Variants in PRP4K observed in about 807,000 individuals in gnomAD.
PRP4K encodes the protein serine/threonine-protein kinase PRP4 homolog.
At chr6:4,041,683 C>G in the PRP4K span, among the ~76,000 whole-genome samples, 1 of 152,032 alleles carries the variant, frequency 6.6e-6, no homozygotes. Flanking sequence ...GAGGACATTT[C>G]TTGTGATTGT....
At chr6:4,054,633 A>T in the PRP4K span, among the ~76,000 whole-genome samples, 18 of 152,100 alleles carry the variant, frequency 1.2e-4, no homozygotes, top group Non-Finnish European at 2.5e-4. Flanking sequence ...CAGCCTCCCG[A>T]GTAACTGGGA....
the PRP4K span, chr6:4,032,070 A>T: frequency 6.2e-7 from 1 of 1,613,986 alleles, no homozygotes; most frequent in South Asian, 1.1e-5. Flanking sequence ...GAAACGAAGT[A>T]AAAGCAGATC....
At chr6:4,041,590 T>C in the PRP4K span, among the ~76,000 whole-genome samples, 35 of 152,124 alleles carry the variant, frequency 2.3e-4, no homozygotes, top group Non-Finnish European at 8.8e-5. Flanking sequence ...CTTGATTGTC[T>C]AAGTGGAATA....
At chr6:4,057,266 G>C in the PRP4K span, 1 of 1,477,868 alleles carries the variant, frequency 6.8e-7, no homozygotes, top group Non-Finnish European at 9.2e-7. Flanking sequence ...CTCACCACTA[G>C]TGAGCTATAA....
At chr6:4,042,126 G>A in the PRP4K span, among the ~76,000 whole-genome samples, 4 of 152,170 alleles carry the variant, frequency 2.6e-5, no homozygotes, top group Admixed American at 2.0e-4. Context: ...AGAAAAGGTA[G>A]CAATTTACTT....
At chr6:4,043,868 G>C in the PRP4K span, 3 of 1,614,014 alleles carry the variant, frequency 1.9e-6, no homozygotes, top group Admixed American at 3.3e-5. Context: ...GAACCAAGCA[G>C]CCCCCAGAGC....
chr6:4,049,125 T>A, the PRP4K span: 1 of 1,582,376 alleles, frequency 6.3e-7, no homozygotes, highest in Non-Finnish European at 8.7e-7. Flanking sequence ...ACATTTTATA[T>A]TAACTTTAGA....
the PRP4K span, among the ~76,000 whole-genome samples, chr6:4,037,828 A>T: frequency 1.3e-5 from 2 of 151,420 alleles, no homozygotes; most frequent in Non-Finnish European, 2.9e-5. Context: ...CTCTTTTATC[A>T]ATCAATACTA....
chr6:4,036,769 T>C, the PRP4K span, among the ~76,000 whole-genome samples: 1 of 151,998 alleles, frequency 6.6e-6, no homozygotes, highest in Non-Finnish European at 1.5e-5. Context: ...GGAGAACCAC[T>C]TGAGGCCAGG....
the PRP4K span, among the ~76,000 whole-genome samples, chr6:4,059,358 T>C: frequency 5.3e-5 from 8 of 152,186 alleles, no homozygotes; most frequent in Admixed American, 1.3e-4. Context: ...TTTCCTGTGC[T>C]GCCTCACCCC....
chr6:4,043,729 T>C, the PRP4K span: 2 of 1,317,484 alleles, frequency 1.5e-6, no homozygotes, highest in African/African-American at 2.9e-5. Context: ...CTCTTAACTT[T>C]TCACTGCAGC....
At chr6:4,032,593 C>G in the PRP4K span, 20 of 1,613,718 alleles carry the variant, frequency 1.2e-5, no homozygotes, top group East Asian at 2.2e-5. Flanking sequence ...TCTCCAAAAC[C>G]ACGTGATAAA....
At chr6:4,030,117 A>G in the PRP4K span, among the ~76,000 whole-genome samples, 1 of 151,772 alleles carries the variant, frequency 6.6e-6, no homozygotes, top group Non-Finnish European at 1.5e-5. Flanking sequence ...TAATTTTTGT[A>G]TTTTTAGTAG....
the PRP4K span, chr6:4,060,323 AT>A: frequency 1.6e-6 from 2 of 1,215,306 alleles, no homozygotes; most frequent in South Asian, 3.0e-5. This position sits in a 1 kb window ranked among gnomAD's most constrained non-coding sequence, Gnocchi z 4.7. Flanking sequence ...CATGTTTTTA[AT>A]ATTTTTGATA....
chr6:4,054,850 T>G, the PRP4K span, among the ~76,000 whole-genome samples: 1 of 152,230 alleles, frequency 6.6e-6, no homozygotes, highest in Admixed American at 6.5e-5. Context: ...GCAAAACATG[T>G]ACAATTTAAA....
At chr6:4,044,017 A>T in the PRP4K span, 1 of 1,613,068 alleles carries the variant, frequency 6.2e-7, no homozygotes, top group African/African-American at 1.3e-5. Context: ...AGTTGAACAG[A>T]ATAATGGTGA....
chr6:4,037,068 ATT>A, the PRP4K span, among the ~76,000 whole-genome samples: 1 of 151,920 alleles, frequency 6.6e-6, no homozygotes, highest in South Asian at 2.1e-4. Context: ...AAAATGGAAT[ATT>A]TGAGTAAATG....
the PRP4K span, chr6:4,060,920 T>C: frequency 6.4e-6 from 2 of 311,928 alleles, no homozygotes; most frequent in African/African-American, 4.3e-5. This position sits in a 1 kb window ranked among gnomAD's most constrained non-coding sequence, Gnocchi z 4.7. Context: ...AGTAGTAATA[T>C]TGGGTGGTTG....
chr6:4,024,279 G>C, the PRP4K span, among the ~76,000 whole-genome samples: 1 of 152,120 alleles, frequency 6.6e-6, no homozygotes, highest in Non-Finnish European at 1.5e-5. Flanking sequence ...TGAGGCAGGA[G>C]GATCATTTGA....
Sources: allele counts gnomAD v4.1 joint callset (sites outside exome capture counted in the v4.1 genomes callset), GRCh38; gene constraint gnomAD v4.1.1; non-coding constraint Gnocchi (gnomAD v3.1); transcripts MANE v1.5; gene names NCBI Gene and HGNC (gene_info 2026-07-23, HGNC 2026-07-21).